Variants in EYA2 observed in about 807,000 individuals in gnomAD.
The protein encoded by EYA2 is EYA transcriptional coactivator and phosphatase 2, also known as protein phosphatase EYA2.
A neutral mutation model predicts 69.2 loss-of-function variants in EYA2; 31 were observed. That is an observed-to-expected ratio of 0.45 (90% confidence interval 0.34 to 0.60). The LOEUF (loss-of-function observed/expected upper bound fraction) is 0.60. Ranked by LOEUF, EYA2 falls within the 20% of genes least tolerant of loss-of-function variation. The probability of loss-of-function intolerance (pLI) is 0.02; values close to 1 mark genes in which losing one functional copy is unlikely to be tolerated. For missense variants in EYA2, 622 were observed against 701.2 expected, an observed-to-expected ratio of 0.89 and a Z score of 1.28; for synonymous variants, 257 against 279.4, an observed-to-expected ratio of 0.92 and a Z score of 0.80.
intron 5 of EYA2, among the ~76,000 whole-genome samples, chr20:47,052,407 G>A (rs935629170): frequency 1.1e-4 from 17 of 152,148 alleles, no homozygotes; most frequent in African/African-American, 3.4e-4. Flanking sequence ...TCAGCATCAC[G>A]AGGGGCGTGT....
chr20:47,174,656 C>T (rs1369817009), intron 12 of EYA2, among the ~76,000 whole-genome samples: 1 of 152,258 alleles, frequency 6.6e-6, no homozygotes, highest in Non-Finnish European at 1.5e-5. Context: ...TTAAGGAGCA[C>T]TCGCTCTGCC....
rs2034698253 is a variant in EYA2, at chr20:47,188,653, G to C, written c.*520G>C. The C allele has an allele frequency of 3.1e-6, 1 of 322,718 alleles. No individual in the cohort carries two copies. The highest frequency in any genetic ancestry group is 5.7e-6 in the Non-Finnish European group (1 of 176,272). 20.0% of individuals were successfully genotyped at this position (322,718 alleles called of 1,614,324 possible). ...GGGGACAATCATTCTTTGAACATTAGAGAGGAAGGCAGTTCAAGCTGTTGA... is the reference window on the plus strand; with the variant it reads ...GGGGACAATCATTCTTTGAACATTACAGAGGAAGGCAGTTCAAGCTGTTGA... On this transcript the variant is annotated 3_prime_UTR_variant, in exon 16 of 16. Transcript: ENST00000327619.
intron 6 of EYA2, among the ~76,000 whole-genome samples, chr20:47,073,704 G>A (rs1394195197): frequency 6.6e-6 from 1 of 152,068 alleles, no homozygotes; most frequent in East Asian, 1.9e-4. Flanking sequence ...GGCCCAAGGG[G>A]CTTTTCTAGA....
At chr20:47,032,956 C>T (rs1012460668) in intron 5 of EYA2, among the ~76,000 whole-genome samples, 3 of 152,192 alleles carry the variant, frequency 2.0e-5, no homozygotes, top group Non-Finnish European at 2.9e-5. Context: ...TATGTGTCTC[C>T]CTTTGTGGCA....
chr20:46,902,838 G>A lies in EYA2; in HGVS notation c.-11+7851G>A, dbSNP rs570138219. On this transcript the variant is annotated intron_variant, in intron 1 of 15. Transcript: ENST00000327619. Reference sequence around the variant, plus strand: ...TTACAGCTGCTCTTGCCCTATAACCGCAGGGTTGAACAGCCGTACTACAAA... The same window carrying A: ...TTACAGCTGCTCTTGCCCTATAACCACAGGGTTGAACAGCCGTACTACAAA... 2.8e-4 allele frequency among the ~76,000 whole-genome samples: 43 copies of A among 152,264 alleles called. No homozygotes were observed. The East Asian group carries it at 2.9e-3, about 10-fold the overall frequency.
intron 1 of EYA2, among the ~76,000 whole-genome samples, chr20:46,946,406 G>C (rs1391604129): frequency 6.6e-6 from 1 of 152,116 alleles, no homozygotes; most frequent in Non-Finnish European, 1.5e-5. Context: ...CAGGGCCAAG[G>C]GTTACTTTGA....
At chr20:47,129,881 A>T (rs191912569) in intron 9 of EYA2, among the ~76,000 whole-genome samples, 1 of 152,326 alleles carries the variant, frequency 6.6e-6, no homozygotes, top group East Asian at 1.9e-4. Context: ...ATTTTGGGGA[A>T]CTATCTCTTA....
intron 9 of EYA2, among the ~76,000 whole-genome samples, chr20:47,109,294 G>A (rs1389503784): frequency 1.3e-5 from 2 of 152,104 alleles, no homozygotes; most frequent in South Asian, 2.1e-4. Context: ...AAGCCTCAAA[G>A]GCACAGCTTG....
intron 1 of EYA2, among the ~76,000 whole-genome samples, chr20:46,931,100 C>A (rs1985649425): frequency 6.6e-6 from 1 of 152,140 alleles, no homozygotes; most frequent in African/African-American, 2.4e-5. Flanking sequence ...CTAGGCATGT[C>A]ATATATATTA....
chr20:46,955,565 C>G (rs1466248014), intron 1 of EYA2, among the ~76,000 whole-genome samples: 1 of 152,130 alleles, frequency 6.6e-6, no homozygotes, highest in Non-Finnish European at 1.5e-5. Flanking sequence ...AAAAATAGAT[C>G]TTTTCTGACA....
At chr20:47,171,662 G>T (rs1223798591) in intron 11 of EYA2, among the ~76,000 whole-genome samples, 1 of 152,080 alleles carries the variant, frequency 6.6e-6, no homozygotes, top group Non-Finnish European at 1.5e-5. Flanking sequence ...GCCTGGCTCT[G>T]GGACCCAAGC....
intron 1 of EYA2, among the ~76,000 whole-genome samples, chr20:46,987,998 G>T (rs56141549): frequency 5.8e-5 from 2 of 34,264 alleles, no homozygotes; most frequent in South Asian, 9.2e-4. Context: ...ATATATATAT[G>T]GGGCAAAAAA....
chr20:47,177,001 T>C (rs1262128816), intron 12 of EYA2, among the ~76,000 whole-genome samples: 2 of 152,178 alleles, frequency 1.3e-5, no homozygotes. Context: ...TTTCACCACG[T>C]TGGCCAGGCT....
intron 1 of EYA2, among the ~76,000 whole-genome samples, chr20:46,923,933 C>T (rs1340907569): frequency 6.6e-6 from 1 of 152,044 alleles, no homozygotes; most frequent in African/African-American, 2.4e-5. Context: ...TAATTAAGCC[C>T]AAAAGAGAAT....
intron 5 of EYA2, among the ~76,000 whole-genome samples, chr20:47,034,943 G>T (rs1205377235): frequency 2.6e-5 from 4 of 152,140 alleles, no homozygotes; most frequent in African/African-American, 9.7e-5. Context: ...CTGTGTGTCT[G>T]GGTCCAAATT....
intron 5 of EYA2, among the ~76,000 whole-genome samples, chr20:47,043,153 G>A (rs1035818433): frequency 1.3e-5 from 2 of 152,122 alleles, no homozygotes; most frequent in Non-Finnish European, 2.9e-5. Context: ...AGAGCTCTGG[G>A]CCCAAAAGTA....
At chr20:47,044,407 A>G (rs73307691) in intron 5 of EYA2, among the ~76,000 whole-genome samples, 8 of 152,344 alleles carry the variant, frequency 5.3e-5, no homozygotes, top group African/African-American at 1.9e-4. Flanking sequence ...ACAACAGTCA[A>G]TACTCACAGT....
At chr20:46,923,694 G>T (rs1374153018) in intron 1 of EYA2, among the ~76,000 whole-genome samples, 1 of 151,020 alleles carries the variant, frequency 6.6e-6, no homozygotes, top group Non-Finnish European at 1.5e-5. Flanking sequence ...CGTGTGCTGG[G>T]TGTGTGTGTG....
intron 5 of EYA2, among the ~76,000 whole-genome samples, chr20:47,023,949 A>T (rs564603954): frequency 5.3e-4 from 81 of 152,132 alleles, no homozygotes; most frequent in Middle Eastern, 3.4e-3. Flanking sequence ...TCTTTTTCTG[A>T]TAACTTCCAT....
Sources: gnomAD v4.1 joint callset for allele counts (sites outside exome capture counted in the v4.1 genomes callset) on GRCh38, gnomAD v4.1.1 for gene constraint, MANE v1.5 for transcripts, NCBI Gene and HGNC (gene_info 2026-07-23, HGNC 2026-07-21) for gene names.